GDA: variants seen among roughly 807,000 people sequenced by gnomAD.
The protein encoded by GDA is cytoplasmic PSD-95 interactor.
GDA carries 18 observed loss-of-function variants against 59.6 expected under a neutral mutation model. That is an observed-to-expected ratio of 0.30 (90% CI 0.21 to 0.45). The LOEUF (loss-of-function observed/expected upper bound fraction) is 0.45, where lower values mean the gene tolerates loss of function less well. Ranked by LOEUF, GDA falls within the 20% of genes least tolerant of loss-of-function variation. The probability of loss-of-function intolerance (pLI) is 1.00; values close to 1 mark genes in which losing one functional copy is unlikely to be tolerated. For synonymous variants in GDA, 201 were observed against 201.1 expected (o/e 1.00, Z 0.00); for missense variants, 427 against 552.3 (o/e 0.77, Z 2.27).
At chr9:72,221,819 C>T (rs923238169) in intron 6 of GDA, among the ~76,000 whole-genome samples, 1 of 152,214 alleles carries the variant, frequency 6.6e-6, no homozygotes, top group Non-Finnish European at 1.5e-5. Context: ...ATTTGACTTT[C>T]CCTTCCTGCG....
chr9:72,135,955 CG>C (rs1826210860), intron 1 of GDA, among the ~76,000 whole-genome samples: 1 of 151,920 alleles, frequency 6.6e-6, no homozygotes, highest in African/African-American at 2.4e-5. Context: ...TCTCTAACTT[CG>C]GGTATTACAA....
At chr9:72,182,832 C>T (rs1831416347) in intron 1 of GDA, among the ~76,000 whole-genome samples, 1 of 152,052 alleles carries the variant, frequency 6.6e-6, no homozygotes, top group African/African-American at 2.4e-5. Context: ...CTCATGTACT[C>T]ATTCATTTAC....
intron 3 of GDA, among the ~76,000 whole-genome samples, chr9:72,206,940 CT>C (rs1021192832): frequency 0.02 from 2,865 of 146,054 alleles, 76 homozygotes; most frequent in African/African-American, 0.065. Flanking sequence ...AATGGCTTTA[CT>C]TTTTTTTTTT....
upstream of GDA, among the ~76,000 whole-genome samples, chr9:72,146,804 C>T (rs1013150497): frequency 6.6e-6 from 1 of 152,162 alleles, no homozygotes; most frequent in African/African-American, 2.4e-5. Context: ...GAAGCCAAGA[C>T]TTCTGGCATG....
At chr9:72,236,601 CA>C (rs1239635154) in intron 10 of GDA, among the ~76,000 whole-genome samples, 1 of 152,020 alleles carries the variant, frequency 6.6e-6, no homozygotes, top group Non-Finnish European at 1.5e-5. Context: ...GCAAAAATAC[CA>C]AAATACCCCG....
intron 10 of GDA, among the ~76,000 whole-genome samples, chr9:72,239,009 G>A (rs187885742): frequency 3.9e-5 from 6 of 152,244 alleles, no homozygotes; most frequent in Admixed American, 2.6e-4. Context: ...GTAGATATTC[G>A]TGATTTCTCT....
At chr9:72,226,502 A>C (rs932499500) in intron 8 of GDA, among the ~76,000 whole-genome samples, 1 of 152,224 alleles carries the variant, frequency 6.6e-6, no homozygotes. Context: ...CTTTTAAAAA[A>C]TGAGTATGCA....
At chr9:72,194,828 C>G (rs898177187) in intron 1 of GDA, among the ~76,000 whole-genome samples, 1 of 152,182 alleles carries the variant, frequency 6.6e-6, no homozygotes, top group African/African-American at 2.4e-5. Context: ...AGCAATTCCC[C>G]TCTGGCCAAG....
chr9:72,123,482 CTTTTTTTTTT>C (rs11357949), intron 1 of GDA, among the ~76,000 whole-genome samples: 1 of 76,646 alleles, frequency 1.3e-5, no homozygotes, highest in Admixed American at 1.7e-4. Context: ...CATGCCCGGC[CTTTTTTTTTT>C]TTTTTTTTTT....
chr9:72,131,394 T>C (rs1320347231), intron 1 of GDA, among the ~76,000 whole-genome samples: 1 of 152,088 alleles, frequency 6.6e-6, no homozygotes, highest in Non-Finnish European at 1.5e-5. Context: ...TTTGTAGCTA[T>C]AGAGAAATAC....
chr9:72,228,113 C>T, intron 9 of GDA, 73 bp downstream of exon 9: 1 of 826,010 alleles, frequency 1.2e-6, no homozygotes, highest in African/African-American at 1.7e-5. Flanking sequence ...GCCTTTGTTT[C>T]CTCTGTCATT....
chr9:72,256,497 C>G (rs1363805977), downstream of GDA, among the ~76,000 whole-genome samples: 2 of 152,182 alleles, frequency 1.3e-5, no homozygotes, highest in Non-Finnish European at 2.9e-5. Context: ...GCAGAGAATA[C>G]ATAGGGCTAA....
At chr9:72,162,908 C>T (rs1460575957) in intron 1 of GDA, among the ~76,000 whole-genome samples, 3 of 152,158 alleles carry the variant, frequency 2.0e-5, no homozygotes, top group South Asian at 2.1e-4. Flanking sequence ...CCGCCCGCCT[C>T]GGCCTCCCAA....
chr9:72,191,424 A>T (rs1044414154), intron 1 of GDA, among the ~76,000 whole-genome samples: 5 of 151,958 alleles, frequency 3.3e-5, no homozygotes, highest in African/African-American at 1.2e-4. Flanking sequence ...GAGGAAGAAG[A>T]TGGCTGGTGG....
At chr9:72,141,618 T>G (rs1351296402) in intron 1 of GDA, among the ~76,000 whole-genome samples, 1 of 152,160 alleles carries the variant, frequency 6.6e-6, no homozygotes, top group Non-Finnish European at 1.5e-5. Flanking sequence ...CCAATCTCAT[T>G]ATGGTTTCCA....
intron 3 of GDA, among the ~76,000 whole-genome samples, chr9:72,209,273 A>C (rs1835080561): frequency 6.6e-6 from 1 of 152,060 alleles, no homozygotes; most frequent in South Asian, 2.1e-4. Context: ...TATTTAAAAA[A>C]ATTTAGATTT....
chr9:72,211,044 A>AT (rs1399322614), intron 4 of GDA, among the ~76,000 whole-genome samples: 1 of 152,156 alleles, frequency 6.6e-6, no homozygotes, highest in Non-Finnish European at 1.5e-5. Context: ...TTACAGAATG[A>AT]TATATATGAG....
Position 72,223,144 on chromosome 9 carries a change from A to T in GDA, c.631A>T (p.Thr211Ser). The change falls in exon 7 of 14, where the codon ACA becomes TCA. Residue 211 changes from threonine (T) to serine (S), a missense_variant. Transcript: ENST00000358399. Reference protein sequence around the residue: ...KNYSRVKPIVTPRFSLSCSET... With the variant: ...KNYSRVKPIVSPRFSLSCSET... The stretch of plus-strand genomic sequence containing the variant: ...GTATTCTAGAGTGAAGCCCATAGTG[A>T]CACCACGTTTTTCCCTCTCCTGCTC... 6.2e-7 allele frequency: 1 copy of T among 1,605,846 alleles called. No individual in the cohort carries two copies. The highest frequency in any genetic ancestry group is 8.5e-7 in the Non-Finnish European group (1 of 1,172,556).
rs1187025002 is a variant in GDA, at chr9:72,250,826, GA to G, written c.*2486del. 1.2e-6 allele frequency: 2 copies of G among 1,609,552 alleles called. No homozygotes were observed. Among genetic ancestry groups the G allele is most frequent in the Non-Finnish European group, 1.7e-6 (2 of 1,177,282 alleles). Reference sequence around the variant, plus strand: ...TTAATGTTCCATGGTATTTTCAACGGAATACACTTTGAAAGGTAAAAACAAT... The same window carrying G: ...TTAATGTTCCATGGTATTTTCAACGGATACACTTTGAAAGGTAAAAACAAT... On this transcript the variant is annotated 3_prime_UTR_variant, in exon 14 of 14. Coordinates refer to ENST00000358399, the MANE Select transcript of GDA (RefSeq NM_004293.5).
Sources: gnomAD v4.1 joint callset for allele counts (sites outside exome capture counted in the v4.1 genomes callset) on GRCh38, gnomAD v4.1.1 for gene constraint, MANE v1.5 for transcripts, NCBI Gene and HGNC (gene_info 2026-07-23, HGNC 2026-07-21) for gene names.